Variants in SUCO observed in about 807,000 individuals in gnomAD.
SUCO encodes the protein SUN domain-containing ossification factor.
SUCO carries 57 observed loss-of-function variants against 148.1 expected under a neutral mutation model. That is an observed-to-expected ratio of 0.38 (90% CI 0.31 to 0.48). The LOEUF is 0.48. SUCO is among the 20% of genes least tolerant of loss of function. The pLI, the probability that SUCO is intolerant of heterozygous loss-of-function variation, is 0.96. For synonymous variants in SUCO, 470 were observed against 502.7 expected, an observed-to-expected ratio of 0.93 and a Z score of 0.87; for missense variants, 1,331 against 1,468.2, an observed-to-expected ratio of 0.91 and a Z score of 1.53.
chr1:172,532,982 G>A (rs183725041), upstream of SUCO: 9 of 1,389,754 alleles, frequency 6.5e-6, no homozygotes, highest in African/African-American at 5.8e-5. Flanking sequence ...CCTGCGCAGA[G>A]GCTGGTGGGG....
At chr1:172,551,803 A>G (rs922016110) in intron 2 of SUCO, 177 bp downstream of exon 2, 2 of 532,630 alleles carry the variant, frequency 3.8e-6, no homozygotes, top group East Asian at 6.4e-5. Context: ...AGATATTTAT[A>G]TGTTTATTCT....
chr1:172,583,938 A>G (rs1656058266), intron 15 of SUCO, among the ~76,000 whole-genome samples: 1 of 152,162 alleles, frequency 6.6e-6, no homozygotes, highest in Admixed American at 6.5e-5. Flanking sequence ...CACTTTTTTC[A>G]TGTAAATATC....
intron 6 of SUCO, among the ~76,000 whole-genome samples, chr1:172,562,790 C>G (rs1654273623): frequency 6.6e-6 from 1 of 152,168 alleles, no homozygotes; most frequent in Non-Finnish European, 1.5e-5. Flanking sequence ...TCTTACTTGT[C>G]TGATATGGTT....
chr1:172,535,617 A>G (rs991127344), intron 1 of SUCO, among the ~76,000 whole-genome samples: 8 of 152,196 alleles, frequency 5.3e-5, no homozygotes, highest in Non-Finnish European at 2.9e-5. Context: ...ATGGCTACCA[A>G]CAAGTCCTAG....
intron 6 of SUCO, among the ~76,000 whole-genome samples, chr1:172,568,052 T>G (rs1265523013): frequency 6.6e-6 from 1 of 152,188 alleles, no homozygotes; most frequent in Non-Finnish European, 1.5e-5. Context: ...TATTGTGAAC[T>G]GCACATGTGA....
intron 9 of SUCO, among the ~76,000 whole-genome samples, chr1:172,572,077 T>A (rs868821118): frequency 2.0e-5 from 1 of 49,848 alleles, no homozygotes; most frequent in South Asian, 7.0e-4. Flanking sequence ...GGGAGGGAGG[T>A]GGGGGGTCAG....
chr1:172,532,538 A>C, upstream of SUCO: 1 of 1,613,846 alleles, frequency 6.2e-7, no homozygotes, highest in Non-Finnish European at 8.5e-7. Context: ...GGGGCAGTCC[A>C]TTGCCACAGG....
At chr1:172,578,268 G>A in intron 13 of SUCO, 30 bp from the exon 14 acceptor site, 2 of 1,479,520 alleles carry the variant, frequency 1.4e-6, no homozygotes, top group Non-Finnish European at 1.9e-6. Context: ...GTTTTGTTTT[G>A]GAAGTCTTTA....
intron 3 of SUCO, among the ~76,000 whole-genome samples, chr1:172,554,009 A>G (rs1433413395): frequency 1.3e-5 from 2 of 152,224 alleles, no homozygotes; most frequent in African/African-American, 4.8e-5. Context: ...AATCTCGAAT[A>G]TTAAAAAAAG....
rs780872571 is a variant in SUCO at position 172,589,293 on chromosome 1, A to G, written c.2192A>G (p.Gln731Arg). Residue 731 changes from glutamine to arginine, a missense_variant, in exon 18 of 24, where the codon CAG (glutamine) becomes CGG (arginine). Physicochemically the swap from Gln to Arg is conservative, Grantham distance 43. This residue lies in a region of SUCO where 992 missense variants were observed against 1,093.5 expected (regional missense o/e 0.91). Coordinates refer to ENST00000263688, the MANE Select transcript of SUCO (RefSeq NM_014283.5). ...LEPSHSQTLS[Q>R]SLLLDITPEI... is the part of the protein sequence containing the mutation. ...CCAAGCCATTCTCAAACTCTTTCTC[A>G]GTCTCTTCTTTTAGATATTACCCCA... is the stretch of plus-strand genomic sequence containing the variant. The G allele has an allele frequency of 1.9e-6, 3 of 1,613,468 alleles. No homozygotes were observed. Among genetic ancestry groups the G allele is most frequent in the Admixed American group, 3.3e-5 (2 of 59,938 alleles).
At chr1:172,534,724 T>G (rs1558165244) in intron 1 of SUCO, among the ~76,000 whole-genome samples, 1 of 152,208 alleles carries the variant, frequency 6.6e-6, no homozygotes, top group South Asian at 2.1e-4. Context: ...CTGTAAGAGA[T>G]AAATCCACTC....
intron 6 of SUCO, among the ~76,000 whole-genome samples, chr1:172,565,194 G>C (rs904273220): frequency 1.3e-5 from 2 of 152,176 alleles, no homozygotes; most frequent in African/African-American, 2.4e-5. Flanking sequence ...GCCCTGACTT[G>C]CTGGAGAACC....
chr1:172,532,989 G>C (rs988676761), upstream of SUCO: 426 of 1,396,038 alleles, frequency 3.1e-4, 2 homozygotes, highest in Middle Eastern at 1.3e-3. Context: ...AGAGGCTGGT[G>C]GGGGTGCGGG....
At chr1:172,542,730 G>T in intron 1 of SUCO, 1 of 985,382 alleles carries the variant, frequency 1.0e-6, no homozygotes, top group Non-Finnish European at 1.2e-6. Flanking sequence ...GTCATAGAGG[G>T]AATCATTTTT....
At position 172,533,313 on chromosome 1, in the gene SUCO, A is replaced by G; in HGVS notation, c.-123A>G. On this transcript the variant is annotated 5_prime_UTR_variant, in exon 1 of 24. Coordinates refer to ENST00000263688, the MANE Select transcript of SUCO (RefSeq NM_014283.5). ...ACTGAGGAGCCGCTCAGCCAGCGCCATAGCCCTTAGGACTATCGGTCACAT... is the reference window on the plus strand; with the variant it reads ...ACTGAGGAGCCGCTCAGCCAGCGCCGTAGCCCTTAGGACTATCGGTCACAT... 3 of 1,550,948 alleles carry G rather than the reference A, an allele frequency of 1.9e-6. No individual in the cohort carries two copies. Among genetic ancestry groups the G allele is most frequent in the South Asian group, 2.4e-5 (2 of 84,022 alleles).
At position 172,555,992 on chromosome 1, in the gene SUCO, A is replaced by T; in HGVS notation, c.412A>T (p.Thr138Ser). The T allele has an allele frequency of 6.2e-7, 1 of 1,613,276 alleles. No homozygotes were observed. Among genetic ancestry groups the T allele is most frequent in the South Asian group, 1.1e-5 (1 of 91,008 alleles). Residue 138 changes from threonine to serine, a missense_variant, in exon 4 of 24, where the codon ACC (threonine) becomes TCC (serine). Thr to Ser is a moderately conservative substitution (Grantham distance 58, BLOSUM62 1). This residue lies in a region of SUCO where 992 missense variants were observed against 1,093.5 expected (regional missense o/e 0.91). Transcript: ENST00000263688. ...ETVENISSSS[T>S]SEITPISKLD... is the part of the protein sequence containing the mutation. ...TGTTGAAAATATTTCCAGCTCATCT[A>T]CCTCAGAAATCACTCCAATCTCAAA...
At chr1:172,577,632 G>C in intron 12 of SUCO, 73 bp downstream of exon 12, 1 of 1,586,270 alleles carries the variant, frequency 6.3e-7, no homozygotes, top group Non-Finnish European at 8.6e-7. Flanking sequence ...AACTTTACAA[G>C]TATTGATTTT....
chr1:172,602,450 A>G (rs760807318), intron 21 of SUCO: 5 of 982,916 alleles, frequency 5.1e-6, no homozygotes, highest in Non-Finnish European at 6.0e-6. Flanking sequence ...CCCCTGAAAT[A>G]TTTGGTTGAG....
intron 6 of SUCO, among the ~76,000 whole-genome samples, chr1:172,562,009 C>T (rs1306775755): frequency 6.6e-6 from 1 of 152,116 alleles, no homozygotes; most frequent in East Asian, 1.9e-4. Flanking sequence ...CTACCAGCCC[C>T]CCAAACACTT....
Sources: gnomAD v4.1 joint callset for allele counts (sites outside exome capture counted in the v4.1 genomes callset) on GRCh38, gnomAD v4.1.1 for gene constraint, gnomAD v4.1.1 regional missense constraint, MANE v1.5 for transcripts, NCBI Gene and HGNC (gene_info 2026-07-23, HGNC 2026-07-21) for gene names.